The following HAUS5 variants were observed in gnomAD, a reference collection of about 807,000 sequenced individuals.
HAUS5 encodes the protein HAUS augmin like complex subunit 5, also known as HAUS augmin-like complex subunit 5.
Under a neutral mutation model 94.1 loss-of-function variants are expected in HAUS5, and 67 were observed. The observed-to-expected ratio is 0.71, with a 90% CI of 0.58 to 0.87. The LOEUF (loss-of-function observed/expected upper bound fraction) is 0.87, where lower values mean the gene tolerates loss of function less well. Among genes scored for constraint, HAUS5 ranks in the 40% least tolerant of loss-of-function variants. The probability of loss-of-function intolerance (pLI) is 0.00; values close to 1 mark genes in which losing one functional copy is unlikely to be tolerated. For synonymous variants in HAUS5, 339 were observed against 355.4 expected, an observed-to-expected ratio of 0.95 and a Z score of 0.52; for missense variants, 739 against 825.6, an observed-to-expected ratio of 0.90 and a Z score of 1.29.
intron 15 of HAUS5, 55 bp from the exon 16 acceptor site, chr19:35,619,957 G>A: frequency 6.3e-7 from 1 of 1,581,070 alleles, no homozygotes; most frequent in East Asian, 2.3e-5. Context: ...AGAGCCTCCA[G>A]AACCCAAGGC....
Position 35,618,078 on chromosome 19 carries a change from T to C in HAUS5, c.704T>C (p.Leu235Pro). 6.3e-7 allele frequency: 1 copy of C among 1,593,372 alleles called. No homozygotes were observed. Among genetic ancestry groups the C allele is most frequent in the Non-Finnish European group, 8.6e-7 (1 of 1,167,400 alleles). The change falls in exon 10 of 19, where the codon CTG (leucine) becomes CCG (proline). Residue 235 changes from leucine (L) to proline (P), a missense_variant. Coordinates refer to ENST00000203166, the MANE Select transcript of HAUS5 (RefSeq NM_015302.2). ...QQWLSSVETL[L>P]TNHPPGHVLA... ...CACCCTCCCTCCCCCTAGACGCTGC[T>C]GACAAACCACCCCCCAGGCCACGTC...
intron 13 of HAUS5, 130 bp downstream of exon 13, chr19:35,619,179 G>A: frequency 2.0e-6 from 2 of 979,512 alleles, no homozygotes; most frequent in Non-Finnish European, 2.9e-6. Context: ...GCTGAGGTGG[G>A]AGGATCTGAG....
chr19:35,618,739 C>G, intron 12 of HAUS5, 40 bp downstream of exon 12: 1 of 1,546,870 alleles, frequency 6.5e-7, no homozygotes, highest in East Asian at 2.3e-5. Context: ...GGCCATCTCG[C>G]TTCTGAGTGT....
At chr19:35,618,371 G>A (rs367779153) in intron 10 of HAUS5, 31 bp from the exon 11 acceptor site, 17 of 1,610,618 alleles carry the variant, frequency 1.1e-5, no homozygotes, top group East Asian at 4.5e-5. Context: ...GCCGCAGCAC[G>A]GCTCCCTCAG....
chr19:35,619,252 A>G (rs2146339129), intron 13 of HAUS5, among the ~76,000 whole-genome samples, 172 bp from the exon 14 acceptor site: 1 of 152,306 alleles, frequency 6.6e-6, no homozygotes, highest in Non-Finnish European at 1.5e-5. Context: ...TGGGTGACAG[A>G]GCAAGATGCT....
chr19:35,613,550 G>T (rs1240388392), intron 1 of HAUS5, 180 bp from the exon 2 acceptor site: 1 of 591,462 alleles, frequency 1.7e-6, no homozygotes, highest in Non-Finnish European at 2.9e-6. Flanking sequence ...GTACCACTGC[G>T]ACAGAGCGAG....
intron 17 of HAUS5, among the ~76,000 whole-genome samples, chr19:35,621,077 G>T (rs1006026013): frequency 6.6e-6 from 1 of 152,210 alleles, no homozygotes; most frequent in Non-Finnish European, 1.5e-5. Context: ...CACCCCAGGG[G>T]TTTCCCCAGA....
At chr19:35,613,689 G>C in intron 1 of HAUS5, 41 bp from the exon 2 acceptor site, 1 of 1,584,202 alleles carries the variant, frequency 6.3e-7, no homozygotes, top group Non-Finnish European at 8.7e-7. Context: ...CCCACACCCT[G>C]TGTGCTGCCC....
chr19:35,618,775 T>C, intron 12 of HAUS5, 76 bp downstream of exon 12: 2 of 1,526,864 alleles, frequency 1.3e-6, no homozygotes, highest in Non-Finnish European at 1.8e-6. Context: ...TTTTTCAGCC[T>C]CTGTGGCTCC....
intron 17 of HAUS5, 81 bp from the exon 18 acceptor site, chr19:35,622,520 C>A: frequency 6.9e-7 from 1 of 1,445,954 alleles, no homozygotes; most frequent in Non-Finnish European, 9.5e-7. Flanking sequence ...GACTAGGGGA[C>A]TGGAGAATTG....
chr19:35,618,822 GT>G, intron 12 of HAUS5, 64 bp from the exon 13 acceptor site: 1 of 1,536,690 alleles, frequency 6.5e-7, no homozygotes, highest in Non-Finnish European at 8.8e-7. Flanking sequence ...TCTCTCCCTG[GT>G]TTATGGTCCC....
chr19:35,619,673 C>T lies in HAUS5; in HGVS notation c.1321C>T (p.Arg441Trp), dbSNP rs368545984. 106 of 1,589,078 alleles carry T rather than the reference C, an allele frequency of 6.7e-5. No homozygotes were observed. The highest frequency in any genetic ancestry group is 2.7e-4 in the East Asian group (12 of 43,882). Residue 441 changes from arginine to tryptophan, a missense_variant, in exon 15 of 19, where the codon CGG becomes TGG. By Grantham distance (101) the Arg-to-Trp change is moderately radical. Coordinates refer to ENST00000203166, the MANE Select transcript of HAUS5 (RefSeq NM_015302.2). The stretch of plus-strand genomic sequence containing the variant: ...ATTTGAGGCAGTGGCACCACAGAGC[C>T]GGGAGCTGCTGCGCTGTCTGGAGGA... ...PTFEAVAPQS[R>W]ELLRCLEEEV... is the part of the protein sequence containing the mutation.
intron 6 of HAUS5, 56 bp downstream of exon 6, chr19:35,615,442 A>T: frequency 1.5e-6 from 2 of 1,376,498 alleles, no homozygotes; most frequent in Non-Finnish European, 2.0e-6. Context: ...TCTCTTAGAG[A>T]CCTCAGGGCT....
In HAUS5 at chr19:35,622,695, G is replaced by C. The variant is rs1967229745; in HGVS notation, c.1746G>C (p.Leu582=). 1 of 1,614,132 alleles carries C rather than the reference G, an allele frequency of 6.2e-7. No homozygotes were observed. The highest frequency in any genetic ancestry group is 2.2e-5 in the East Asian group (1 of 44,860). The change falls in exon 18 of 19, where the codon CTG becomes CTC. Residue 582 remains leucine, a synonymous_variant. Coordinates refer to ENST00000203166, the MANE Select transcript of HAUS5 (RefSeq NM_015302.2). ...KRLEKLLKQA[L]ERIPELQGIV... ...TGGAGAAGCTACTGAAACAGGCACT[G>C]GAGCGAATCCCTGAGCTGCAGGGGA...
Position 35,618,176 on chromosome 19 carries a change from G to C in HAUS5, c.802G>C (p.Gly268Arg). 6.2e-7 allele frequency: 1 copy of C among 1,605,148 alleles called. No individual in the cohort carries two copies. Among genetic ancestry groups the C allele is most frequent in the Non-Finnish European group, 8.5e-7 (1 of 1,174,148 alleles). Reference sequence around the variant, plus strand: ...GTCCCTGTGCAGTGGGGATGGGCTTGGCGACACAGAGATATCCAGGTGTGG... The same window carrying C: ...GTCCCTGTGCAGTGGGGATGGGCTTCGCGACACAGAGATATCCAGGTGTGG... ...IRSLCSGDGL[G>R]DTEISRPQAP... Residue 268 changes from glycine to arginine, a missense_variant, in exon 10 of 19, where the codon GGC becomes CGC. Physicochemically the swap from Gly to Arg is moderately radical, Grantham distance 125. Coordinates refer to ENST00000203166, the MANE Select transcript of HAUS5 (RefSeq NM_015302.2).
Position 35,617,340 on chromosome 19 carries a change from G to A in HAUS5, c.609G>A (p.Leu203=). ...TLRAQFLQNL[L]LPQAKRGSLP... is the part of the protein sequence containing the mutation. ...GGGCCCAGTTCCTGCAGAACCTCCT[G>A]CTTCCCCAGGCCAAGAGGGGCAGCC... Residue 203 remains leucine (L), a synonymous_variant, in exon 8 of 19, where the codon CTG becomes CTA. Transcript: ENST00000203166. 2 of 1,613,908 alleles carry A rather than the reference G, an allele frequency of 1.2e-6. No individual in the cohort carries two copies. The highest frequency in any genetic ancestry group is 4.5e-5 in the East Asian group (2 of 44,886).
chr19:35,613,686 C>G, intron 1 of HAUS5, 44 bp from the exon 2 acceptor site: 1 of 1,571,630 alleles, frequency 6.4e-7, no homozygotes, highest in Non-Finnish European at 8.7e-7. Flanking sequence ...GATCCCACAC[C>G]CTGTGTGCTG....
chr19:35,613,991 CT>C (rs752002296), intron 3 of HAUS5, 43 bp from the exon 4 acceptor site: 9 of 1,612,530 alleles, frequency 5.6e-6, no homozygotes, highest in East Asian at 2.2e-5. Context: ...GCCCTCCCCC[CT>C]AGAAGCCCCA....
chr19:35,622,985 T>C lies in HAUS5; in HGVS notation c.1894T>C (p.Cys632Arg), dbSNP rs1416942199. 1 of 1,606,608 alleles carries C rather than the reference T, an allele frequency of 6.2e-7. No homozygotes were observed. The highest frequency in any genetic ancestry group is 1.7e-5 in the Admixed American group (1 of 59,762). Residue 632 changes from cysteine to arginine, a missense_variant, in exon 19 of 19, where the codon TGC (cysteine) becomes CGC (arginine). Transcript: ENST00000203166. ...GGCCCAGGGGGCCCTGCAGAAGCTG[T>C]GCAGCTGAAGAGAGGGTTCAAACGG... ...VQAQGALQKL[C>R]S
Sources: allele counts gnomAD v4.1 joint callset (sites outside exome capture counted in the v4.1 genomes callset), GRCh38; gene constraint gnomAD v4.1.1; transcripts MANE v1.5; gene names NCBI Gene and HGNC (gene_info 2026-07-23, HGNC 2026-07-21).